The following HS3ST5 variants were observed in gnomAD, a reference collection of about 807,000 sequenced individuals.
The protein encoded by HS3ST5 is heparan sulfate-glucosamine 3-sulfotransferase 5, also known as heparan sulfate glucosamine 3-O-sulfotransferase 5.
Under a neutral mutation model 25.4 loss-of-function variants are expected in HS3ST5, and 10 were observed. The observed-to-expected ratio is 0.39, with a 90% CI of 0.24 to 0.67. The LOEUF (loss-of-function observed/expected upper bound fraction) is 0.67, where lower values mean the gene tolerates loss of function less well. Among genes scored for constraint, HS3ST5 ranks in the 30% least tolerant of loss-of-function variants. The pLI is 0.44. For synonymous variants in HS3ST5, 170 were observed against 162.4 expected, an observed-to-expected ratio of 1.05 and a Z score of -0.36; for missense variants, 324 against 420.7, an observed-to-expected ratio of 0.77 and a Z score of 2.01.
intron 3 of HS3ST5, among the ~76,000 whole-genome samples, chr6:114,112,781 A>G (rs557677036): frequency 4.6e-4 from 70 of 152,270 alleles, no homozygotes; most frequent in Non-Finnish European, 3.5e-4. Flanking sequence ...CCTTTCCTCA[A>G]TTAACTCTTA....
At chr6:114,279,220 C>G (rs1395888694) in intron 1 of HS3ST5, among the ~76,000 whole-genome samples, 1 of 151,922 alleles carries the variant, frequency 6.6e-6, no homozygotes, top group Non-Finnish European at 1.5e-5. Flanking sequence ...GAATTGAAAG[C>G]AGGAATGTAT....
intron 1 of HS3ST5, among the ~76,000 whole-genome samples, chr6:114,283,136 T>G (rs1774194586): frequency 6.6e-6 from 1 of 151,950 alleles, no homozygotes. Context: ...TTAAAATTAT[T>G]TTTAAATTTT....
intron 3 of HS3ST5, among the ~76,000 whole-genome samples, chr6:114,148,605 G>C (rs903843452): frequency 1.3e-5 from 2 of 152,036 alleles, no homozygotes; most frequent in Non-Finnish European, 2.9e-5. Context: ...TGGGCAATGA[G>C]AGTGAAACTC....
At chr6:114,333,457 CTTAT>C (rs1186672818) in intron 1 of HS3ST5, among the ~76,000 whole-genome samples, 1 of 152,010 alleles carries the variant, frequency 6.6e-6, no homozygotes, top group African/African-American at 2.4e-5. Flanking sequence ...GTTGGAAGCC[CTTAT>C]TTAAAGAATG....
At chr6:114,267,243 C>T (rs1194862701) in intron 1 of HS3ST5, among the ~76,000 whole-genome samples, 1 of 152,206 alleles carries the variant, frequency 6.6e-6, no homozygotes, top group Non-Finnish European at 1.5e-5. Flanking sequence ...AATCTAGCTA[C>T]TTGCTTCAAT....
At chr6:114,179,169 AAC>A (rs1779852155) in intron 2 of HS3ST5, 1 of 152,262 alleles carries the variant, frequency 6.6e-6, no homozygotes, top group South Asian at 2.1e-4. Context: ...TAGGTTTTTA[AAC>A]AGTTTTGTTT....
intron 1 of HS3ST5, among the ~76,000 whole-genome samples, chr6:114,256,697 G>A (rs1369544926): frequency 2.6e-5 from 4 of 152,036 alleles, no homozygotes; most frequent in African/African-American, 7.2e-5. Flanking sequence ...AACAAGTCTC[G>A]AGGAAGACTT....
At chr6:114,136,683 G>A (rs1159132235) in intron 3 of HS3ST5, among the ~76,000 whole-genome samples, 1 of 152,112 alleles carries the variant, frequency 6.6e-6, no homozygotes, top group African/African-American at 2.4e-5. Context: ...TATATTTTTG[G>A]CATAGACTCA....
intron 1 of HS3ST5, among the ~76,000 whole-genome samples, chr6:114,284,298 T>A (rs1423631324): frequency 6.6e-6 from 1 of 152,010 alleles, no homozygotes; most frequent in African/African-American, 2.4e-5. Flanking sequence ...GGCTTTCATA[T>A]CGAGACATTA....
intron 1 of HS3ST5, among the ~76,000 whole-genome samples, chr6:114,315,937 C>T (rs1775729594): frequency 6.6e-6 from 1 of 152,128 alleles, no homozygotes; most frequent in Admixed American, 6.5e-5. Context: ...GGAAGTGTAT[C>T]TCTGAGTTTA....
intron 3 of HS3ST5, among the ~76,000 whole-genome samples, chr6:114,083,367 C>T (rs957976617): frequency 6.6e-6 from 1 of 152,114 alleles, no homozygotes; most frequent in African/African-American, 2.4e-5. Context: ...TTCCCTTACC[C>T]TCCCAAGGAG....
rs112489506 is a variant in HS3ST5, at chr6:114,176,410, C to T, written c.-144-7948G>A. On this transcript the variant is annotated intron_variant, in intron 2 of 4. Transcript: ENST00000312719. The stretch of plus-strand genomic sequence containing the variant: ...AGGACTTTCTCAAGAAAGACAAATG[C>T]TGTCGAAAATAAAAATGGGTACCTT... Among the ~76,000 whole-genome samples, 44 of 152,248 alleles carry T rather than the reference C, an allele frequency of 2.9e-4. 4 individuals carry two copies. The highest frequency in any genetic ancestry group is 1.0e-3 in the African/African-American group (43 of 41,544).
intron 1 of HS3ST5, chr6:114,252,013 TG>T (rs890319095): frequency 6.6e-6 from 1 of 152,174 alleles, no homozygotes; most frequent in Non-Finnish European, 1.5e-5. Flanking sequence ...TCACACACAG[TG>T]GGTAGCTCAG....
At chr6:114,274,496 T>C (rs1773767298) in intron 1 of HS3ST5, among the ~76,000 whole-genome samples, 1 of 151,988 alleles carries the variant, frequency 6.6e-6, no homozygotes, top group Admixed American at 6.6e-5. Flanking sequence ...ACTGAGGTTA[T>C]AAGGAAGAAA....
intron 1 of HS3ST5, among the ~76,000 whole-genome samples, chr6:114,266,749 T>G (rs563615112): frequency 1.3e-5 from 2 of 152,304 alleles, no homozygotes; most frequent in African/African-American, 4.8e-5. Context: ...GCTCTAACTT[T>G]TATTGATCAA....
chr6:114,218,136 T>G (rs943554834), intron 2 of HS3ST5, among the ~76,000 whole-genome samples: 1 of 152,148 alleles, frequency 6.6e-6, no homozygotes, highest in African/African-American at 2.4e-5. Flanking sequence ...TAGCTGGGAT[T>G]ACAGGTGCCT....
intron 2 of HS3ST5, among the ~76,000 whole-genome samples, chr6:114,195,673 A>G (rs1048119588): frequency 2.6e-5 from 4 of 152,198 alleles, no homozygotes; most frequent in African/African-American, 9.6e-5. Context: ...TTAGGTAGAT[A>G]AATGGAAGAA....
Position 114,154,836 on chromosome 6 carries a change from T to C in HS3ST5, c.-33+13515A>G, listed in dbSNP as rs138109796. 1.9e-4 allele frequency among the ~76,000 whole-genome samples: 29 copies of C among 152,320 alleles called. No homozygotes were observed. The East Asian group carries it at 5.6e-3, about 29-fold the overall frequency. ...CCTGTGGCCTTTGTCAAATGTCATC[T>C]CACTGATAAGTCTTCCCTGACTGCC... On this transcript the variant is annotated intron_variant, in intron 3 of 4. Coordinates refer to ENST00000312719, the MANE Select transcript of HS3ST5 (RefSeq NM_153612.4).
At chr6:114,340,882 A>G (rs1776801050) in intron 1 of HS3ST5, 1 of 152,124 alleles carries the variant, frequency 6.6e-6, no homozygotes, top group Admixed American at 6.6e-5. Flanking sequence ...AAAACCTTTG[A>G]GAAGCACCAG....
Sources: gnomAD v4.1 joint callset for allele counts (sites outside exome capture counted in the v4.1 genomes callset) on GRCh38, gnomAD v4.1.1 for gene constraint, MANE v1.5 for transcripts, NCBI Gene and HGNC (gene_info 2026-07-23, HGNC 2026-07-21) for gene names.